The following ZNF804B variants were observed in gnomAD, a reference collection of about 807,000 sequenced individuals.
ZNF804B encodes the protein zinc finger 804B.
Under a neutral mutation model 101.4 loss-of-function variants are expected in ZNF804B, and 80 were observed. That is an observed-to-expected ratio of 0.79 (90% CI 0.66 to 0.95). The LOEUF is 0.95. Ranked by LOEUF, ZNF804B falls within the 40% of genes least tolerant of loss-of-function variation. The probability of loss-of-function intolerance (pLI) is 0.00; values close to 1 mark genes in which losing one functional copy is unlikely to be tolerated. For missense variants in ZNF804B, 1,673 were observed against 1,561.9 expected, an observed-to-expected ratio of 1.07 and a Z score of -1.20; for synonymous variants, 622 against 558.8, an observed-to-expected ratio of 1.11 and a Z score of -1.59.
intron 2 of ZNF804B, among the ~76,000 whole-genome samples, chr7:89,241,802 CTT>C (rs35802915): frequency 0.17 from 23,960 of 144,250 alleles, 2,373 homozygotes; most frequent in Middle Eastern, 0.29. Flanking sequence ...TGAGAATAGT[CTT>C]TTTTTTTTTT....
chr7:89,326,112 C>T (rs1437876859), intron 2 of ZNF804B, among the ~76,000 whole-genome samples: 1 of 151,784 alleles, frequency 6.6e-6, no homozygotes, highest in East Asian at 1.9e-4. Context: ...ACATATAGAG[C>T]ATAATTATAT....
intron 1 of ZNF804B, among the ~76,000 whole-genome samples, chr7:89,076,646 T>C (rs1789618660): frequency 1.3e-5 from 2 of 152,178 alleles, no homozygotes; most frequent in Admixed American, 6.5e-5. Context: ...ATAATATGAC[T>C]GTGACATTTA....
intron 2 of ZNF804B, among the ~76,000 whole-genome samples, chr7:89,278,342 C>T (rs1049560147): frequency 7.3e-5 from 11 of 151,724 alleles, no homozygotes; most frequent in South Asian, 4.2e-4. Context: ...TGTGCAGAAG[C>T]TCTTTAGTTT....
chr7:89,020,238 G>A (rs2116213302), intron 1 of ZNF804B, among the ~76,000 whole-genome samples: 1 of 152,156 alleles, frequency 6.6e-6, no homozygotes, highest in Non-Finnish European at 1.5e-5. Flanking sequence ...TTCTTGTAAG[G>A]CCAATCTAGT....
At chr7:88,933,501 C>T (rs542381539) in intron 1 of ZNF804B, among the ~76,000 whole-genome samples, 4 of 151,976 alleles carry the variant, frequency 2.6e-5, no homozygotes, top group East Asian at 1.9e-4. Flanking sequence ...ATGAAACTGT[C>T]GCTAATCACC....
At position 89,335,756 on chromosome 7, in the gene ZNF804B, C is replaced by A. The variant is rs1468809687; in HGVS notation, c.2774C>A (p.Ala925Glu). Residue 925 changes from alanine to glutamate, a missense_variant, in exon 4 of 4, where the codon GCA becomes GAA. Transcript: ENST00000333190. ...GAAGGAGAGAGGACCCCTCTAACAG[C>A]AAAAATCCTTTTAGAAAGAGTACAA... ...TAEGERTPLT[A>E]KILLERVQAK... 6.2e-7 allele frequency: 1 copy of A among 1,613,942 alleles called. No individual in the cohort carries two copies. Among genetic ancestry groups the A allele is most frequent in the Non-Finnish European group, 8.5e-7 (1 of 1,179,940 alleles).
intron 2 of ZNF804B, among the ~76,000 whole-genome samples, chr7:89,238,326 A>G (rs1392657573): frequency 6.6e-6 from 1 of 152,184 alleles, no homozygotes; most frequent in East Asian, 1.9e-4. Flanking sequence ...TCTGATGAAC[A>G]TCATCCCTAA....
At chr7:88,941,987 A>G (rs1793061409) in intron 1 of ZNF804B, among the ~76,000 whole-genome samples, 2 of 151,966 alleles carry the variant, frequency 1.3e-5, no homozygotes, top group East Asian at 1.9e-4. Context: ...TATAGACAAT[A>G]TCTAAGGTTT....
chr7:89,140,991 T>G (rs968190254), intron 1 of ZNF804B, among the ~76,000 whole-genome samples: 1 of 152,004 alleles, frequency 6.6e-6, no homozygotes, highest in Non-Finnish European at 1.5e-5. Context: ...ATTTGAACCC[T>G]TAGAGGACAT....
At chr7:89,013,675 A>G (rs907414124) in intron 1 of ZNF804B, among the ~76,000 whole-genome samples, 1 of 152,212 alleles carries the variant, frequency 6.6e-6, no homozygotes, top group African/African-American at 2.4e-5. Flanking sequence ...TTGAAATTAT[A>G]TATAATTGAT....
chr7:88,916,375 A>G (rs909999684), intron 1 of ZNF804B, among the ~76,000 whole-genome samples: 1 of 152,076 alleles, frequency 6.6e-6, no homozygotes, highest in African/African-American at 2.4e-5. Flanking sequence ...GTATTTTCTG[A>G]GATTCTTGTA....
chr7:88,838,441 A>G (rs376337034), intron 1 of ZNF804B, among the ~76,000 whole-genome samples: 1 of 151,946 alleles, frequency 6.6e-6, no homozygotes, highest in Non-Finnish European at 1.5e-5. Flanking sequence ...AGTAGAACAC[A>G]TGGGATATCC....
intron 2 of ZNF804B, among the ~76,000 whole-genome samples, chr7:89,281,620 A>G (rs1790096092): frequency 6.6e-6 from 1 of 152,216 alleles, no homozygotes; most frequent in Admixed American, 6.5e-5. Flanking sequence ...GTCAAGTATA[A>G]TATGAATATG....
At chr7:88,845,289 G>GCACACACACACACA (rs1791353736) in intron 1 of ZNF804B, among the ~76,000 whole-genome samples, 3 of 115,934 alleles carry the variant, frequency 2.6e-5, no homozygotes, top group African/African-American at 7.6e-5. Context: ...GCACGCGCGC[G>GCACACACACACACA]CGCACGCGCG....
intron 1 of ZNF804B, among the ~76,000 whole-genome samples, chr7:88,767,409 C>T (rs1419709406): frequency 1.3e-5 from 2 of 152,234 alleles, no homozygotes; most frequent in African/African-American, 2.4e-5. Context: ...CCTCTTTCCA[C>T]TCACATATGT....
At chr7:88,859,639 A>G (rs888907558) in intron 1 of ZNF804B, among the ~76,000 whole-genome samples, 1 of 152,042 alleles carries the variant, frequency 6.6e-6, no homozygotes, top group Non-Finnish European at 1.5e-5. Context: ...TTAATAAGAT[A>G]ATTTATAAAT....
chr7:89,159,266 G>A (rs1165530141), intron 1 of ZNF804B, among the ~76,000 whole-genome samples: 1 of 152,152 alleles, frequency 6.6e-6, no homozygotes. Context: ...TCTGGGGTAG[G>A]TTGGGCTAGT....
intron 1 of ZNF804B, among the ~76,000 whole-genome samples, chr7:88,847,828 G>C (rs924999982): frequency 6.6e-6 from 1 of 152,074 alleles, no homozygotes; most frequent in African/African-American, 2.4e-5. Flanking sequence ...TGTTGTGGTT[G>C]TTTTTCAGTA....
chr7:89,287,221 T>A (rs1790214181), intron 2 of ZNF804B, among the ~76,000 whole-genome samples: 1 of 152,204 alleles, frequency 6.6e-6, no homozygotes, highest in Admixed American at 6.5e-5. Context: ...TATTAGTAGT[T>A]ATGTTTTTGG....
Sources: allele counts gnomAD v4.1 joint callset (sites outside exome capture counted in the v4.1 genomes callset), GRCh38; gene constraint gnomAD v4.1.1; transcripts MANE v1.5; gene names NCBI Gene and HGNC (gene_info 2026-07-23, HGNC 2026-07-21).